Variants in KCNK4 observed in about 807,000 individuals in gnomAD.
KCNK4 encodes potassium two pore domain channel subfamily K member 4.
KCNK4 carries 22 observed loss-of-function variants against 28.8 expected under a neutral mutation model. The ratio of observed to expected loss-of-function variants is 0.76; its 90% CI spans 0.55 to 1.09. KCNK4 has a LOEUF of 1.09. KCNK4 is among the 50% of genes least tolerant of loss of function. The probability of loss-of-function intolerance (pLI) is 0.00; values close to 1 mark genes in which losing one functional copy is unlikely to be tolerated. For missense variants in KCNK4, 483 were observed against 546.3 expected, an observed-to-expected ratio of 0.88 and a Z score of 1.15; for synonymous variants, 263 against 252.9, an observed-to-expected ratio of 1.04 and a Z score of -0.38.
Position 64,299,667 on chromosome 11 carries a change from A to G in KCNK4, c.1123A>G (p.Arg375Gly). 2 of 1,607,026 alleles carry G rather than the reference A, an allele frequency of 1.2e-6. No individual in the cohort carries two copies. Among genetic ancestry groups the G allele is most frequent in the Non-Finnish European group, 1.7e-6 (2 of 1,177,760 alleles). Reference protein sequence around the residue: ...PRGRRRPNPPRKPVRPRGPGR... With the variant: ...PRGRRRPNPPGKPVRPRGPGR... ...AGGTCGCCGCCGCCCAAATCCCCCC[A>G]GGAAGCCCGTGCGGCCCCGCGGCCC... The change falls in exon 7 of 7, where the codon AGG becomes GGG. Residue 375 changes from arginine (R) to glycine (G), a missense_variant. By Grantham distance (125) the Arg-to-Gly change is moderately radical. Coordinates refer to ENST00000422670, the MANE Select transcript of KCNK4 (RefSeq NM_033310.3).
At chr11:64,298,970 G>A (rs1016130332) in intron 6 of KCNK4, among the ~76,000 whole-genome samples, 3 of 149,438 alleles carry the variant, frequency 2.0e-5, no homozygotes, top group African/African-American at 7.4e-5. Context: ...GAACCGGGGA[G>A]GCAGAGGTTG....
chr11:64,292,158 G>A (rs917680975), intron 1 of KCNK4: 14 of 929,140 alleles, frequency 1.5e-5, no homozygotes, highest in Middle Eastern at 5.3e-4. Flanking sequence ...CTGCAGCCTC[G>A]GGATGGAGCG....
In KCNK4 at chr11:64,297,255, C is replaced by T. The variant is rs780347185; in HGVS notation, c.450C>T (p.Ile150=). 1.4e-5 allele frequency: 22 copies of T among 1,613,418 alleles called. No homozygotes were observed. Among genetic ancestry groups the T allele is most frequent in the Non-Finnish European group, 1.8e-5 (21 of 1,179,716 alleles). The change falls in exon 4 of 7, where the codon ATC becomes ATT. Residue 150 remains isoleucine (I), a synonymous_variant. Transcript: ENST00000422670. ...TGGGCTCCTCCCTGCGCCATGGCATCGGTCACATTGAAGCCATCTTCTTGG... is the reference window on the plus strand; with the variant it reads ...TGGGCTCCTCCCTGCGCCATGGCATTGGTCACATTGAAGCCATCTTCTTGG... The part of the protein sequence containing the change: ...DRLGSSLRHG[I]GHIEAIFLKW...
At chr11:64,298,678 G>A (rs1385348440) in intron 6 of KCNK4, among the ~76,000 whole-genome samples, 3 of 151,752 alleles carry the variant, frequency 2.0e-5, no homozygotes, top group Non-Finnish European at 2.9e-5. Flanking sequence ...GTAAGCCCTG[G>A]TCTCAAACAA....
At chr11:64,294,532 A>AAG (rs1555076000) in intron 2 of KCNK4, among the ~76,000 whole-genome samples, 1 of 151,512 alleles carries the variant, frequency 6.6e-6, no homozygotes, top group African/African-American at 2.4e-5. Context: ...AAAAAAAAAA[A>AAG]AAAAGAAAGT....
Position 64,299,761 on chromosome 11 carries a change from C to T in KCNK4, c.*35C>T, listed in dbSNP as rs913774489. 7.1e-6 allele frequency: 11 copies of T among 1,540,330 alleles called. No individual in the cohort carries two copies. The highest frequency in any genetic ancestry group is 9.6e-6 in the Non-Finnish European group (11 of 1,148,848). On this transcript the variant is annotated 3_prime_UTR_variant, in exon 7 of 7. Coordinates refer to ENST00000422670, the MANE Select transcript of KCNK4 (RefSeq NM_033310.3). ...CCCTGGCCGGGCCTCTCAAGGGCTTCGTTTCTGCTCTCCCCGGCATGCCTG... is the reference window on the plus strand; with the variant it reads ...CCCTGGCCGGGCCTCTCAAGGGCTTTGTTTCTGCTCTCCCCGGCATGCCTG...
chr11:64,293,491 G>C (rs2034692127), intron 2 of KCNK4, among the ~76,000 whole-genome samples: 1 of 151,976 alleles, frequency 6.6e-6, no homozygotes, highest in African/African-American at 2.4e-5. Context: ...ATGAATGAAT[G>C]AATGGCCATA....
At position 64,297,048 on chromosome 11, in the gene KCNK4, T is replaced by A. The variant is rs201464718; in HGVS notation, c.313+47T>A. The A allele has an allele frequency of 8.3e-5, 133 of 1,594,766 alleles. No individual in the cohort carries two copies. The East Asian group carries it at 3.0e-3, about 36-fold the overall frequency. On this transcript the variant is annotated intron_variant, in intron 3 of 6. Transcript: ENST00000422670. Reference sequence around the variant, plus strand: ...TGGGGGGCGGCAAGGAGCTTCCTCATGGGGGAAGGTGCAGGGAGACGGAGG... The same window carrying A: ...TGGGGGGCGGCAAGGAGCTTCCTCAAGGGGGAAGGTGCAGGGAGACGGAGG...
Position 64,299,382 on chromosome 11 carries a change from G to A in KCNK4, c.838G>A (p.Gly280Ser). ...CACGGCTCAGGCTGCCAGCTGGACT[G>A]GCACGGTGACAGCGCGCGTGACCCA... Reference protein sequence around the residue: ...GLTAQAASWTGTVTARVTQRA... With the variant: ...GLTAQAASWTSTVTARVTQRA... The change falls in exon 7 of 7, where the codon GGC (glycine) becomes AGC (serine). Residue 280 changes from glycine to serine, a missense_variant. Physicochemically the swap from Gly to Ser is moderately conservative, Grantham distance 56. Coordinates refer to ENST00000422670, the MANE Select transcript of KCNK4 (RefSeq NM_033310.3). The A allele has an allele frequency of 1.3e-6, 2 of 1,577,232 alleles. No homozygotes were observed. Among genetic ancestry groups the A allele is most frequent in the Non-Finnish European group, 1.7e-6 (2 of 1,164,312 alleles).
At position 64,296,927 on chromosome 11, in the gene KCNK4, C is replaced by T; in HGVS notation, c.239C>T (p.Thr80Ile). ...GGTGCGGACCCAGAAACCAACTCGACCAGCAACAGCAGCCACTCAGCCTGG... is the reference window on the plus strand; with the variant it reads ...GGTGCGGACCCAGAAACCAACTCGATCAGCAACAGCAGCCACTCAGCCTGG... The part of the protein sequence containing the change: ...GGGADPETNS[T>I]SNSSHSAWDL... The change falls in exon 3 of 7, where the codon ACC (threonine) becomes ATC (isoleucine). Residue 80 changes from threonine (T) to isoleucine (I), a missense_variant. Thr to Ile is a moderately conservative substitution (Grantham distance 89). Coordinates refer to ENST00000422670, the MANE Select transcript of KCNK4 (RefSeq NM_033310.3). The T allele has an allele frequency of 4.6e-6, 7 of 1,511,380 alleles. No individual in the cohort carries two copies. Among genetic ancestry groups the T allele is most frequent in the Non-Finnish European group, 6.2e-6 (7 of 1,130,912 alleles). 93.6% of individuals were successfully genotyped at this position (1,511,380 alleles called of 1,614,324 possible).
intron 6 of KCNK4, among the ~76,000 whole-genome samples, chr11:64,299,040 A>G (rs2034849814): frequency 9.3e-6 from 1 of 107,266 alleles, no homozygotes. Context: ...GACTTGTCTC[A>G]AAAAAAGAAG....
At position 64,296,917 on chromosome 11, in the gene KCNK4, A is replaced by G; in HGVS notation, c.229A>G (p.Thr77Ala). Residue 77 changes from threonine to alanine, a missense_variant, in exon 3 of 7, where the codon ACC (threonine) becomes GCC (alanine). Thr to Ala is a moderately conservative substitution (Grantham distance 58). Coordinates refer to ENST00000422670, the MANE Select transcript of KCNK4 (RefSeq NM_033310.3). The part of the protein sequence containing the change: ...DALGGGADPE[T>A]NSTSNSSHSA... ...CCTGGGAGGGGGTGCGGACCCAGAA[A>G]CCAACTCGACCAGCAACAGCAGCCA... The G allele has an allele frequency of 1.3e-6, 2 of 1,511,146 alleles. No individual in the cohort carries two copies. The highest frequency in any genetic ancestry group is 1.8e-6 in the Non-Finnish European group (2 of 1,131,022). 93.6% of individuals were successfully genotyped at this position (1,511,146 alleles called of 1,614,324 possible). A position where few individuals can be genotyped will look rare whatever the true frequency, so the allele number is the denominator to read the frequency against.
chr11:64,298,519 A>G (rs1180982263), intron 6 of KCNK4, among the ~76,000 whole-genome samples: 1 of 152,162 alleles, frequency 6.6e-6, no homozygotes, highest in Non-Finnish European at 1.5e-5. Flanking sequence ...CCGCCTCTAG[A>G]AAAGGCACAA....
At chr11:64,297,691 C>T (rs1437693204) in intron 5 of KCNK4, 38 bp downstream of exon 5, 1 of 1,585,620 alleles carries the variant, frequency 6.3e-7, no homozygotes, top group Non-Finnish European at 8.6e-7. Flanking sequence ...TTCCCATCTA[C>T]TTTATTCCTG....
intron 1 of KCNK4, chr11:64,292,054 C>A: frequency 1.8e-6 from 2 of 1,134,698 alleles, no homozygotes; most frequent in South Asian, 1.7e-5. Context: ...TCTGGGTGCC[C>A]TGGCGCGGCC....
intron 2 of KCNK4, among the ~76,000 whole-genome samples, chr11:64,293,960 C>T (rs777442232): frequency 6.6e-6 from 1 of 152,186 alleles, no homozygotes; most frequent in Non-Finnish European, 1.5e-5. Flanking sequence ...CTAAATCTGG[C>T]AACCCTACCT....
At chr11:64,296,183 A>AG (rs1159947819) in intron 2 of KCNK4, 1 of 152,116 alleles carries the variant, frequency 6.6e-6, no homozygotes, top group Admixed American at 6.6e-5. Flanking sequence ...AATATGATTT[A>AG]CACTGCAGCA....
Position 64,299,623 on chromosome 11 carries a change from CGCT to C in KCNK4, c.1082_1084del (p.Leu361del), listed in dbSNP as rs2135237011. Reference sequence around the variant, plus strand: ...GATACGCAGAGCGAGCGCGGCTGCCCGCTGCCCCGCGCGCCGAGAGGTCGCCGC... The same window carrying C: ...GATACGCAGAGCGAGCGCGGCTGCCCGCCCCGCGCGCCGAGAGGTCGCCGC... On this transcript the variant is annotated inframe_deletion, in exon 7 of 7. Coordinates refer to ENST00000422670, the MANE Select transcript of KCNK4 (RefSeq NM_033310.3). The C allele has an allele frequency of 6.2e-7, 1 of 1,608,212 alleles. No homozygotes were observed. The highest frequency in any genetic ancestry group is 8.5e-7 in the Non-Finnish European group (1 of 1,177,848).
In KCNK4 at chr11:64,299,367, G is replaced by A; in HGVS notation, c.823G>A (p.Ala275Thr). The change falls in exon 7 of 7, where the codon GCT (alanine) becomes ACT (threonine). Residue 275 changes from alanine (A) to threonine (T), a missense_variant. Ala to Thr is a moderately conservative substitution (Grantham distance 58). Transcript: ENST00000422670. ...GCAGATGGGCGGCCTCACGGCTCAG[G>A]CTGCCAGCTGGACTGGCACGGTGAC... The part of the protein sequence containing the change: ...RAEMGGLTAQ[A>T]ASWTGTVTAR... The A allele has an allele frequency of 6.4e-7, 1 of 1,567,498 alleles. No individual in the cohort carries two copies.
Sources: gnomAD v4.1 joint callset for allele counts (sites outside exome capture counted in the v4.1 genomes callset) on GRCh38, gnomAD v4.1.1 for gene constraint, MANE v1.5 for transcripts, NCBI Gene and HGNC (gene_info 2026-07-23, HGNC 2026-07-21) for gene names.